Variants in PKHD1 observed in about 807,000 individuals in gnomAD.
PKHD1 encodes the protein fibrocystin.
Under a neutral mutation model 412.0 loss-of-function variants are expected in PKHD1, and 291 were observed. That is an observed-to-expected ratio of 0.71 (90% CI 0.64 to 0.78). The LOEUF is 0.78. PKHD1 is among the 30% of genes least tolerant of loss of function. PKHD1 has a pLI of 0.00. For synonymous variants in PKHD1, 1,777 were observed against 1,821.5 expected (o/e 0.98, Z 0.62); for missense variants, 4,825 against 4,950.7 (o/e 0.97, Z 0.76).
At chr6:51,836,969 C>T (rs1238774799) in intron 50 of PKHD1, among the ~76,000 whole-genome samples, 2 of 152,100 alleles carry the variant, frequency 1.3e-5, no homozygotes, top group Admixed American at 6.5e-5. Context: ...CAACTGAGCA[C>T]ATTTAAAAGG....
chr6:51,803,588 T>C (rs1473327598), intron 52 of PKHD1, among the ~76,000 whole-genome samples: 1 of 151,600 alleles, frequency 6.6e-6, no homozygotes, highest in Non-Finnish European at 1.5e-5. Flanking sequence ...CACTGACCAA[T>C]ACATTTGCTC....
intron 60 of PKHD1, among the ~76,000 whole-genome samples, chr6:51,723,154 G>GT (rs1180271322): frequency 6.6e-6 from 1 of 152,152 alleles, no homozygotes; most frequent in Non-Finnish European, 1.5e-5. Flanking sequence ...CTAAGACCAA[G>GT]TGTCAGAATC....
chr6:52,058,757 A>G (rs1808200991), intron 15 of PKHD1, among the ~76,000 whole-genome samples, 156 bp from the exon 16 acceptor site: 1 of 145,698 alleles, frequency 6.9e-6, no homozygotes, highest in South Asian at 2.2e-4. Context: ...GTGGTTATTT[A>G]TGCTTCTCCA....
In PKHD1 at chr6:51,626,960, C is replaced by T. The variant is rs766285965; in HGVS notation, c.11785+37G>A. 6 of 1,609,012 alleles carry T rather than the reference C, an allele frequency of 3.7e-6. No homozygotes were observed. The Admixed American group carries it at 6.7e-5, about 18-fold the overall frequency. ...GAGGCTCAGACCATCCACAGTGGGT[C>T]TCTCCTGTGGGGATCATCTCCACCC... On this transcript the variant is annotated intron_variant, in intron 66 of 66. Coordinates refer to ENST00000371117, the MANE Select transcript of PKHD1 (RefSeq NM_138694.4).
intron 51 of PKHD1, among the ~76,000 whole-genome samples, chr6:51,836,189 T>C (rs1474135587): frequency 6.6e-6 from 1 of 152,216 alleles, no homozygotes; most frequent in Admixed American, 6.5e-5. Flanking sequence ...ATTCTTACTT[T>C]CATTGCTTTG....
chr6:52,078,429 A>G (rs1287323579), intron 5 of PKHD1, among the ~76,000 whole-genome samples: 2 of 152,160 alleles, frequency 1.3e-5, no homozygotes, highest in South Asian at 2.1e-4. Context: ...TGTGTGATCA[A>G]CCTTCTGTGA....
chr6:51,760,852 T>G (rs369729450), intron 55 of PKHD1, among the ~76,000 whole-genome samples: 1 of 152,108 alleles, frequency 6.6e-6, no homozygotes, highest in Admixed American at 6.6e-5. Context: ...CACAGTTTCT[T>G]CCTTGTAAAT....
chr6:51,690,264 T>C (rs1284447448), intron 60 of PKHD1, among the ~76,000 whole-genome samples: 3 of 105,288 alleles, frequency 2.8e-5, no homozygotes, highest in South Asian at 3.4e-4. Context: ...AGAGTGAGAC[T>C]CCATCTCAAA....
chr6:51,643,756 G>A (rs747463328), intron 63 of PKHD1, among the ~76,000 whole-genome samples: 3 of 151,872 alleles, frequency 2.0e-5, no homozygotes, highest in South Asian at 2.1e-4. Flanking sequence ...GCAAACATGC[G>A]CCGTGGTGGT....
At chr6:51,695,037 G>A (rs1778633968) in intron 60 of PKHD1, among the ~76,000 whole-genome samples, 1 of 152,032 alleles carries the variant, frequency 6.6e-6, no homozygotes, top group Non-Finnish European at 1.5e-5. Flanking sequence ...AAAAATTGAA[G>A]AATAAAGGAA....
Position 52,046,058 on chromosome 6 carries a change from G to C in PKHD1, c.2538C>G (p.His846Gln), listed in dbSNP as rs775356491. ...GAGTGGACCAGGACAAGGTCCACAC[G>C]TGTTCGTAGCAAGTGTATAGATCCT... ...VKEDLYTCYE[H>Q]VWTLSWSTQI... Residue 846 changes from histidine (H) to glutamine (Q), a missense_variant, in exon 24 of 67, where the codon CAC becomes CAG. By Grantham distance (24) the His-to-Gln change is conservative (BLOSUM62 0). Transcript: ENST00000371117. 1 of 1,613,396 alleles carries C rather than the reference G, an allele frequency of 6.2e-7. No individual in the cohort carries two copies. Among genetic ancestry groups the C allele is most frequent in the Admixed American group, 1.7e-5 (1 of 59,990 alleles).
chr6:51,760,501 C>T lies in PKHD1; in HGVS notation c.8643-5563G>A, dbSNP rs182929545. On this transcript the variant is annotated intron_variant, in intron 55 of 66. Transcript: ENST00000371117. ...TGTAGAGTCGGAGATACCTAAAGTCCTGTGTCTGATGTAATGGAATCTTTA... is the reference window on the plus strand; with the variant it reads ...TGTAGAGTCGGAGATACCTAAAGTCTTGTGTCTGATGTAATGGAATCTTTA... Among the ~76,000 whole-genome samples, 73 of 152,124 alleles carry T rather than the reference C, an allele frequency of 4.8e-4. 1 individual carries two copies. The highest frequency in any genetic ancestry group is 1.7e-3 in the African/African-American group (70 of 41,534).
Position 51,654,305 on chromosome 6 carries a change from T to C in PKHD1, c.11174+4647A>G, listed in dbSNP as rs540710779. Among the ~76,000 whole-genome samples, 33 of 152,244 alleles carry C rather than the reference T, an allele frequency of 2.2e-4. No homozygotes were observed. In the East Asian group the frequency reaches 6.0e-3, roughly 28 times the overall value. On this transcript the variant is annotated intron_variant, in intron 61 of 66. Coordinates refer to ENST00000371117, the MANE Select transcript of PKHD1 (RefSeq NM_138694.4). The stretch of plus-strand genomic sequence containing the variant: ...GAATTAATGATTTATTTGTAATAGA[T>C]ACGGAATGAGATTTAGTATAACATC...
rs1201724774 is a variant in PKHD1, at chr6:51,807,451, AAAAAAAAATAT to A, written c.8303-16089_8303-16079del. On this transcript the variant is annotated intron_variant, in intron 52 of 66. Transcript: ENST00000371117. ...AGACTCTGTCTCAAAAAAAAAAAAAAAAAAAAAATATATATATATATATATATATGTATATG... is the reference window on the plus strand; with the variant it reads ...AGACTCTGTCTCAAAAAAAAAAAAAAATATATATATATATATATGTATATG... Among the ~76,000 whole-genome samples, 133 of 83,918 alleles carry A rather than the reference AAAAAAAAATAT, an allele frequency of 1.6e-3. 3 individuals carry two copies. Among genetic ancestry groups the A allele is most frequent in the South Asian group, 4.9e-3 (10 of 2,044 alleles). The allele number at this position is 83,918 out of a possible 152,430, so 55.1% of individuals were successfully genotyped here. A position where few individuals can be genotyped will look rare whatever the true frequency, so the allele number is the denominator to read the frequency against.
At chr6:51,663,755 A>G (rs1033843505) in intron 60 of PKHD1, among the ~76,000 whole-genome samples, 3 of 152,182 alleles carry the variant, frequency 2.0e-5, no homozygotes, top group Admixed American at 6.5e-5. Flanking sequence ...AATTGAGTAT[A>G]TCACAAAAAT....
rs1562588214 is a variant in PKHD1, at chr6:51,906,310, T to C, written c.6713A>G (p.Asn2238Ser). Residue 2238 changes from asparagine to serine, a missense_variant, in exon 41 of 67, where the codon AAC (asparagine) becomes AGC (serine). Transcript: ENST00000371117. ...ESFIQGCTVRNSFSRGLSMCG... is the reference protein window; with the variant it reads ...ESFIQGCTVRSSFSRGLSMCG... ...CATGCTGAGGCCTCTACTGAAGGAG[T>C]TCCTCACTGTGCAGCCCTGTATGAA... 1.9e-6 allele frequency: 3 copies of C among 1,609,096 alleles called. No individual in the cohort carries two copies. The highest frequency in any genetic ancestry group is 1.7e-6 in the Non-Finnish European group (2 of 1,176,066).
chr6:51,918,339 C>T (rs1398603595), intron 37 of PKHD1, among the ~76,000 whole-genome samples: 1 of 152,102 alleles, frequency 6.6e-6, no homozygotes, highest in Non-Finnish European at 1.5e-5. Context: ...CTAATGCTCT[C>T]TTTCCCCTTG....
chr6:51,949,458 G>A (rs1789982400), intron 36 of PKHD1, among the ~76,000 whole-genome samples: 1 of 152,144 alleles, frequency 6.6e-6, no homozygotes, highest in East Asian at 1.9e-4. Context: ...AGAAGGTGAG[G>A]AAGAGGAGGA....
chr6:51,893,769 C>T (rs1228019540), intron 43 of PKHD1, among the ~76,000 whole-genome samples: 1 of 152,144 alleles, frequency 6.6e-6, no homozygotes, highest in Non-Finnish European at 1.5e-5. Flanking sequence ...AGTGAGTTAA[C>T]CCTTCAGGCA....
Sources: gnomAD v4.1 joint callset for allele counts (sites outside exome capture counted in the v4.1 genomes callset) on GRCh38, gnomAD v4.1.1 for gene constraint, MANE v1.5 for transcripts, NCBI Gene and HGNC (gene_info 2026-07-23, HGNC 2026-07-21) for gene names.